Variants in C8orf34 observed in about 807,000 individuals in gnomAD.
C8orf34 encodes chromosome 8 open reading frame 34.
C8orf34 carries 65 observed loss-of-function variants against 68.3 expected under a neutral mutation model. That is an observed-to-expected ratio of 0.95 (90% CI 0.78 to 1.17). C8orf34 has a LOEUF of 1.17. Among genes scored for constraint, C8orf34 ranks in the 50% most tolerant of loss-of-function variants. C8orf34 has a pLI of 0.00. For missense variants in C8orf34, 664 were observed against 655.4 expected (o/e 1.01, Z -0.14); for synonymous variants, 244 against 241.2 (o/e 1.01, Z -0.11).
chr8:68,657,310 C>G (rs780965893), intron 8 of C8orf34, among the ~76,000 whole-genome samples: 1 of 152,032 alleles, frequency 6.6e-6, no homozygotes, highest in Non-Finnish European at 1.5e-5. Context: ...AGAGGTGGGG[C>G]CTTTGGGAGG....
At chr8:68,519,205 C>T (rs961098517) in intron 5 of C8orf34, among the ~76,000 whole-genome samples, 3 of 152,168 alleles carry the variant, frequency 2.0e-5, no homozygotes, top group African/African-American at 7.2e-5. Context: ...AGTAATAGTG[C>T]TCATTGTCAA....
intron 7 of C8orf34, chr8:68,534,144 A>C (rs1024115894): frequency 1.0e-6 from 1 of 984,990 alleles, no homozygotes. Context: ...TCATTTTTGC[A>C]TAGGCCTACA....
At chr8:68,455,677 T>TA (rs1219968023) in intron 3 of C8orf34, among the ~76,000 whole-genome samples, 3 of 152,054 alleles carry the variant, frequency 2.0e-5, no homozygotes, top group East Asian at 1.9e-4. Context: ...GTAGATCAAG[T>TA]AAAAAAACTA....
intron 12 of C8orf34, among the ~76,000 whole-genome samples, chr8:68,797,293 AG>A (rs1824206266): frequency 3.9e-5 from 6 of 152,306 alleles, no homozygotes; most frequent in Admixed American, 3.9e-4. Flanking sequence ...GGGAAATTGA[AG>A]TTCCAAGAGA....
intron 8 of C8orf34, among the ~76,000 whole-genome samples, chr8:68,666,579 T>A (rs1819848456): frequency 6.6e-6 from 1 of 152,208 alleles, no homozygotes; most frequent in African/African-American, 2.4e-5. Flanking sequence ...ATGCTAGACA[T>A]TGTTTTGGTA....
chr8:68,460,581 C>T (rs539368213), intron 3 of C8orf34, among the ~76,000 whole-genome samples: 1 of 152,272 alleles, frequency 6.6e-6, no homozygotes, highest in East Asian at 1.9e-4. Context: ...GCCAGGTACC[C>T]CTCTGAGACA....
intron 10 of C8orf34, among the ~76,000 whole-genome samples, chr8:68,773,738 G>A (rs1823420549): frequency 6.6e-6 from 1 of 152,028 alleles, no homozygotes; most frequent in Non-Finnish European, 1.5e-5. Context: ...ACCCATTGCA[G>A]TGACTTACAA....
At chr8:68,524,111 C>A (rs924756302) in intron 6 of C8orf34, among the ~76,000 whole-genome samples, 1 of 152,164 alleles carries the variant, frequency 6.6e-6, no homozygotes, top group Non-Finnish European at 1.5e-5. Context: ...CTCTATTGTG[C>A]ATTAAGTCTT....
At chr8:68,344,889 C>T (rs1368415135) in intron 1 of C8orf34, among the ~76,000 whole-genome samples, 1 of 151,988 alleles carries the variant, frequency 6.6e-6, no homozygotes, top group African/African-American at 2.4e-5. Context: ...AAAATATTAA[C>T]ATACGTGTTG....
At chr8:68,756,574 G>GA in intron 10 of C8orf34, among the ~76,000 whole-genome samples, 1 of 151,952 alleles carries the variant, frequency 6.6e-6, no homozygotes, top group Non-Finnish European at 1.5e-5. Flanking sequence ...AGAAAAGAAA[G>GA]AAAAAAGTAT....
At chr8:68,534,191 A>G (rs751027491) in intron 7 of C8orf34, 13 of 985,396 alleles carry the variant, frequency 1.3e-5, no homozygotes, top group Non-Finnish European at 1.6e-5. Context: ...GGTTTGAAAG[A>G]TGTTTTCTGA....
intron 7 of C8orf34, among the ~76,000 whole-genome samples, chr8:68,557,773 A>G (rs936011148): frequency 4.6e-5 from 7 of 152,186 alleles, no homozygotes; most frequent in Non-Finnish European, 8.8e-5. Flanking sequence ...TGTGGTTTCT[A>G]CTTAACATTC....
intron 4 of C8orf34, among the ~76,000 whole-genome samples, chr8:68,487,242 A>T (rs1408121606): frequency 6.6e-6 from 1 of 152,174 alleles, no homozygotes; most frequent in East Asian, 1.9e-4. Flanking sequence ...AGCCCTTGCC[A>T]TTTCAGGAAA....
intron 7 of C8orf34, among the ~76,000 whole-genome samples, chr8:68,611,935 A>T (rs1818036102): frequency 6.6e-6 from 1 of 152,128 alleles, no homozygotes; most frequent in Non-Finnish European, 1.5e-5. Context: ...TTTCACATTA[A>T]CTTTAGATTA....
At chr8:68,434,923 CCTGTAATCCCAGCTACTCAGGAGG>C (rs1297362709) in intron 1 of C8orf34, among the ~76,000 whole-genome samples, 1 of 151,868 alleles carries the variant, frequency 6.6e-6, no homozygotes, top group Non-Finnish European at 1.5e-5. Flanking sequence ...GTGGCATGTG[CCTGTAATCCCAGCTACTCAGGAGG>C]CTGAGGCAGG....
rs146726723 is a variant in C8orf34 at position 68,533,596 on chromosome 8, A to G, written c.1105+447A>G. ...AATAGAATAAAGTTGAAAGGGGCAGATAGTAAATTCAGGTTTTATGTTTTC... is the reference window on the plus strand; with the variant it reads ...AATAGAATAAAGTTGAAAGGGGCAGGTAGTAAATTCAGGTTTTATGTTTTC... On this transcript the variant is annotated intron_variant, in intron 7 of 13. Transcript: ENST00000518698. 1.6e-3 allele frequency: 1,612 copies of G among 985,688 alleles called. 30 individuals carry two copies. The African/African-American group carries it at 0.026, about 16-fold the overall frequency. 61.1% of individuals were successfully genotyped at this position (985,688 alleles called of 1,614,324 possible).
chr8:68,637,905 G>A (rs1299429586), intron 7 of C8orf34, among the ~76,000 whole-genome samples: 1 of 152,150 alleles, frequency 6.6e-6, no homozygotes, highest in African/African-American at 2.4e-5. Context: ...CAATGAGCTT[G>A]AAGGTTACTA....
chr8:68,565,328 T>C (rs1816553951), intron 7 of C8orf34, among the ~76,000 whole-genome samples: 1 of 152,184 alleles, frequency 6.6e-6, no homozygotes, highest in East Asian at 1.9e-4. Flanking sequence ...TTATTCTCAC[T>C]ACATGTTAGG....
chr8:68,623,664 C>T (rs569838659), intron 7 of C8orf34, among the ~76,000 whole-genome samples: 1 of 152,098 alleles, frequency 6.6e-6, no homozygotes, highest in African/African-American at 2.4e-5. Context: ...ATCAGGGTGC[C>T]AGCATGGTTG....
Sources: allele counts gnomAD v4.1 joint callset (sites outside exome capture counted in the v4.1 genomes callset), GRCh38; gene constraint gnomAD v4.1.1; transcripts MANE v1.5; gene names NCBI Gene and HGNC (gene_info 2026-07-23, HGNC 2026-07-21).